CNTN1: variants seen among roughly 807,000 people sequenced by gnomAD.
CNTN1 encodes the protein contactin 1, also known as contactin-1.
A neutral mutation model predicts 126.4 loss-of-function variants in CNTN1; 38 were observed. That is an observed-to-expected ratio of 0.30 (90% CI 0.23 to 0.39). The LOEUF is 0.39. Ranked by LOEUF, CNTN1 falls within the 10% of genes least tolerant of loss-of-function variation. The pLI, the probability that CNTN1 is intolerant of heterozygous loss-of-function variation, is 1.00. For missense variants in CNTN1, 1,009 were observed against 1,248.4 expected (o/e 0.81, Z 2.89); for synonymous variants, 413 against 422.6 (o/e 0.98, Z 0.28).
At chr12:40,848,700 G>A (rs1942605905) in intron 1 of CNTN1, among the ~76,000 whole-genome samples, 1 of 151,854 alleles carries the variant, frequency 6.6e-6, no homozygotes, top group African/African-American at 2.4e-5. Context: ...CACATGTCTG[G>A]TTCCTAGCAA....
At chr12:40,719,640 A>G (rs1379893035) in intron 1 of CNTN1, among the ~76,000 whole-genome samples, 1 of 152,252 alleles carries the variant, frequency 6.6e-6, no homozygotes, top group Non-Finnish European at 1.5e-5. Context: ...AATAAGATAT[A>G]TCATCCTTAT....
At chr12:40,949,606 T>G (rs1490747811) in intron 14 of CNTN1, among the ~76,000 whole-genome samples, 1 of 141,102 alleles carries the variant, frequency 7.1e-6, no homozygotes, top group African/African-American at 2.7e-5. Flanking sequence ...GAGACGTAGG[T>G]TAGCTCTTGT....
At chr12:40,716,732 AC>A (rs1699134675) in intron 1 of CNTN1, among the ~76,000 whole-genome samples, 1 of 152,212 alleles carries the variant, frequency 6.6e-6, no homozygotes, top group African/African-American at 2.4e-5. Context: ...TGATCTCATT[AC>A]GTAGTTACAG....
chr12:40,713,542 A>G (rs1941976400), intron 1 of CNTN1, among the ~76,000 whole-genome samples: 1 of 151,822 alleles, frequency 6.6e-6, no homozygotes, highest in African/African-American at 2.4e-5. Flanking sequence ...GAATATTATC[A>G]TGGGTTGATT....
Position 41,029,197 on chromosome 12 carries a change from G to A in CNTN1, c.2958G>A (p.Val986=), listed in dbSNP as rs772609362. ...CGCACAGTGATGGAGGAGATGGAGTGGTGTCTCAAGTCAAAATTTCAGGTA... is the reference window on the plus strand; with the variant it reads ...CGCACAGTGATGGAGGAGATGGAGTAGTGTCTCAAGTCAAAATTTCAGGTA... ...VRAHSDGGDG[V]VSQVKISGAP... is the part of the protein sequence containing the mutation. Residue 986 remains valine (V), a synonymous_variant, in exon 23 of 24, where the codon GTG becomes GTA. Transcript: ENST00000551295. 9 of 1,613,970 alleles carry A rather than the reference G, an allele frequency of 5.6e-6. No homozygotes were observed. Among genetic ancestry groups the A allele is most frequent in the Non-Finnish European group, 7.6e-6 (9 of 1,179,960 alleles).
intron 23 of CNTN1, among the ~76,000 whole-genome samples, chr12:41,049,987 C>T (rs1178546390): frequency 6.6e-6 from 1 of 152,204 alleles, no homozygotes; most frequent in African/African-American, 2.4e-5. Flanking sequence ...GCAACCTCCA[C>T]CTCCCAGGTT....
chr12:40,995,217 G>T (rs1464099982), intron 17 of CNTN1, among the ~76,000 whole-genome samples: 2 of 151,974 alleles, frequency 1.3e-5, no homozygotes, highest in Non-Finnish European at 2.9e-5. Flanking sequence ...AAAGACATTA[G>T]AACTCATAAC....
chr12:40,823,732 A>G (rs537199246), intron 1 of CNTN1, among the ~76,000 whole-genome samples: 1 of 152,258 alleles, frequency 6.6e-6, no homozygotes, highest in African/African-American at 2.4e-5. Flanking sequence ...CCATAGCTTA[A>G]GCAGTTCTGG....
chr12:40,933,676 C>A (rs375708810), intron 8 of CNTN1, 21 bp from the exon 9 acceptor site: 2 of 1,609,622 alleles, frequency 1.2e-6, no homozygotes, highest in African/African-American at 1.3e-5. Flanking sequence ...AAACTTTAAC[C>A]CTTGTATCTT....
In CNTN1 at chr12:41,027,903, A is replaced by G. The variant is rs1390520883; in HGVS notation, c.2757A>G (p.Ser919=). 1.2e-6 allele frequency: 2 copies of G among 1,613,958 alleles called. No individual in the cohort carries two copies. Among genetic ancestry groups the G allele is most frequent in the African/African-American group, 2.7e-5 (2 of 75,036 alleles). The change falls in exon 22 of 24, where the codon TCA becomes TCG. Residue 919 remains serine (S), a synonymous_variant. Transcript: ENST00000551295. The part of the protein sequence containing the change: ...PRIISSVRSG[S]RYIITWDHVV... ...TCATCAGTTCAGTAAGGTCTGGTTCACGCTATATAATCACCTGGGATCATG... is the reference window on the plus strand; with the variant it reads ...TCATCAGTTCAGTAAGGTCTGGTTCGCGCTATATAATCACCTGGGATCATG...
At chr12:40,922,226 T>C (rs1565952829) in intron 4 of CNTN1, 30 bp from the exon 5 acceptor site, 1 of 1,606,836 alleles carries the variant, frequency 6.2e-7, no homozygotes, top group Non-Finnish European at 8.5e-7. Flanking sequence ...TCATGACCTG[T>C]GATATGACCT....
intron 1 of CNTN1, among the ~76,000 whole-genome samples, chr12:40,712,870 A>G (rs1482910679): frequency 6.6e-6 from 1 of 152,054 alleles, no homozygotes. Flanking sequence ...CTAATGGAAA[A>G]TATTAGGGTC....
rs551985074 is a variant in CNTN1 at position 40,971,310 on chromosome 12, C to G, written c.1805-9599C>G. 6.3e-6 allele frequency: 5 copies of G among 791,220 alleles called. No individual in the cohort carries two copies. In the East Asian group the frequency reaches 1.4e-4, roughly 22 times the overall value. 49.0% of individuals were successfully genotyped at this position (791,220 alleles called of 1,614,324 possible). ...GTCCTCAGTGTGTAGGGGAAGATAC[C>G]TTTCTGTGTTTATTCTTTCACCTTA... On this transcript the variant is annotated intron_variant, in intron 15 of 23. Coordinates refer to ENST00000551295, the MANE Select transcript of CNTN1 (RefSeq NM_001843.4).
intron 1 of CNTN1, among the ~76,000 whole-genome samples, chr12:40,878,609 ATTATGTGTAATG>A (rs2136690792): frequency 6.6e-6 from 1 of 152,278 alleles, no homozygotes; most frequent in African/African-American, 2.4e-5. Context: ...GTGATAGTCC[ATTATGTGTAATG>A]TTACTGAACT....
In CNTN1 at chr12:40,939,320, T is replaced by C; in HGVS notation, c.1229-15T>C. ...CAAACAGAAAGAGAAAGATAACAATTTGTTTTCTTTTTAGCGTTGGCTCCA... is the reference window on the plus strand; with the variant it reads ...CAAACAGAAAGAGAAAGATAACAATCTGTTTTCTTTTTAGCGTTGGCTCCA... On this transcript the variant is annotated splice_polypyrimidine_tract_variant and intron_variant, in intron 11 of 23. Transcript: ENST00000551295. The C allele has an allele frequency of 6.2e-7, 1 of 1,613,424 alleles. No individual in the cohort carries two copies. The highest frequency in any genetic ancestry group is 8.5e-7 in the Non-Finnish European group (1 of 1,179,622).
chr12:40,939,295 C>T (rs1267398630), intron 11 of CNTN1, 40 bp from the exon 12 acceptor site: 1 of 1,607,224 alleles, frequency 6.2e-7, no homozygotes, highest in Non-Finnish European at 8.5e-7. Flanking sequence ...TTAGGCTTTA[C>T]AAACAGAAAG....
At position 41,029,230 on chromosome 12, in the gene CNTN1, C is replaced by A; in HGVS notation, c.2980+11C>A. 6.2e-7 allele frequency: 1 copy of A among 1,613,836 alleles called. No homozygotes were observed. The highest frequency in any genetic ancestry group is 8.5e-7 in the Non-Finnish European group (1 of 1,179,860). On this transcript the variant is annotated intron_variant, in intron 23 of 23. Coordinates refer to ENST00000551295, the MANE Select transcript of CNTN1 (RefSeq NM_001843.4). Reference sequence around the variant, plus strand: ...AAGTCAAAATTTCAGGTAAGTGAGTCATTTAAGACACATTTCAACTAAGTA... The same window carrying A: ...AAGTCAAAATTTCAGGTAAGTGAGTAATTTAAGACACATTTCAACTAAGTA...
intron 19 of CNTN1, among the ~76,000 whole-genome samples, chr12:41,019,587 C>T (rs12829787): frequency 0.05 from 7,652 of 152,090 alleles, 224 homozygotes; most frequent in Middle Eastern, 0.12. Context: ...TGCTTAAAGC[C>T]TTCATTGGTT....
At chr12:40,759,214 G>GT (rs996616375) in intron 1 of CNTN1, among the ~76,000 whole-genome samples, 8 of 151,846 alleles carry the variant, frequency 5.3e-5, no homozygotes, top group African/African-American at 1.9e-4. Context: ...AAGTATTCAG[G>GT]TTTTATAGCA....
Sources: gnomAD v4.1 joint callset for allele counts (sites outside exome capture counted in the v4.1 genomes callset) on GRCh38, gnomAD v4.1.1 for gene constraint, MANE v1.5 for transcripts, NCBI Gene and HGNC (gene_info 2026-07-23, HGNC 2026-07-21) for gene names.